ATF7IP: variants seen among roughly 807,000 people sequenced by gnomAD.
ATF7IP encodes activating transcription factor 7 interacting protein.
A neutral mutation model predicts 106.4 loss-of-function variants in ATF7IP; 23 were observed. The observed-to-expected ratio is 0.22, with a 90% confidence interval of 0.16 to 0.31. The LOEUF is 0.31. Among genes scored for constraint, ATF7IP ranks in the 10% least tolerant of loss-of-function variants. The pLI is 1.00. For missense variants in ATF7IP, 1,334 were observed against 1,524.3 expected (o/e 0.88, Z 2.08); for synonymous variants, 542 against 539.0 (o/e 1.01, Z -0.08).
chr12:14,440,145 A>G (rs1226518518), intron 5 of ATF7IP, among the ~76,000 whole-genome samples: 1 of 152,194 alleles, frequency 6.6e-6, no homozygotes, highest in Admixed American at 6.5e-5. Context: ...CAATCATTTC[A>G]TATACACAGT....
At chr12:14,389,685 T>TGGCGCGATCTCGGCTC (rs1442258533) in intron 1 of ATF7IP, among the ~76,000 whole-genome samples, 1 of 152,306 alleles carries the variant, frequency 6.6e-6, no homozygotes, top group East Asian at 1.9e-4. Context: ...TGGAGTGCAA[T>TGGCGCGATCTCGGCTC]GGCGCGATCT....
chr12:14,423,256 A>G (rs1437530165), intron 1 of ATF7IP, among the ~76,000 whole-genome samples: 2 of 152,034 alleles, frequency 1.3e-5, no homozygotes, highest in Non-Finnish European at 2.9e-5. Flanking sequence ...CAGTTCTTAG[A>G]TATTCTAGAT....
At chr12:14,383,006 C>A (rs1939058793) in intron 1 of ATF7IP, among the ~76,000 whole-genome samples, 1 of 152,134 alleles carries the variant, frequency 6.6e-6, no homozygotes, top group African/African-American at 2.4e-5. Flanking sequence ...TTGGCCTTGA[C>A]ACTATTTATC....
intron 2 of ATF7IP, among the ~76,000 whole-genome samples, chr12:14,426,065 C>T (rs1163333794): frequency 6.6e-6 from 1 of 152,152 alleles, no homozygotes; most frequent in African/African-American, 2.4e-5. Context: ...TCTGAATGAG[C>T]TCCCTGTAAC....
intron 13 of ATF7IP, among the ~76,000 whole-genome samples, chr12:14,494,317 ATATATATATATATATATG>A (rs1371808706): frequency 1.0e-5 from 1 of 99,946 alleles, no homozygotes; most frequent in African/African-American, 4.7e-5. Context: ...ATATATATAT[ATATATATATATATATATG>A]TGTGTGTGTA....
At chr12:14,472,690 A>G (rs971030779) in intron 10 of ATF7IP, among the ~76,000 whole-genome samples, 5 of 151,948 alleles carry the variant, frequency 3.3e-5, no homozygotes, top group African/African-American at 4.8e-5. Context: ...TTTCCTCTAC[A>G]TCTCTTCTTG....
At chr12:14,433,420 G>A (rs139598303) in intron 2 of ATF7IP, among the ~76,000 whole-genome samples, 1,906 of 152,176 alleles carry the variant, frequency 0.013, 17 homozygotes, top group Middle Eastern at 0.027. Flanking sequence ...CAGGAGAATT[G>A]CTTGAACCTG....
At chr12:14,423,759 A>G (rs2136549842) in intron 1 of ATF7IP, 150 bp from the exon 2 acceptor site, 1 of 785,784 alleles carries the variant, frequency 1.3e-6, no homozygotes, top group East Asian at 2.8e-5. Flanking sequence ...AAATATGATA[A>G]TTAGTATACA....
chr12:14,382,632 C>A (rs1376105045), intron 1 of ATF7IP, among the ~76,000 whole-genome samples: 1 of 152,088 alleles, frequency 6.6e-6, no homozygotes, highest in Non-Finnish European at 1.5e-5. Context: ...GAGTTGAGAT[C>A]CTAAAAATGA....
chr12:14,474,795 C>T (rs1472990434), intron 10 of ATF7IP, among the ~76,000 whole-genome samples: 1 of 152,004 alleles, frequency 6.6e-6, no homozygotes, highest in Non-Finnish European at 1.5e-5. Context: ...ATTTTTTCGT[C>T]CTAAGTTAGT....
At chr12:14,494,452 A>C (rs1051060547) in intron 13 of ATF7IP, among the ~76,000 whole-genome samples, 1 of 145,220 alleles carries the variant, frequency 6.9e-6, no homozygotes, top group African/African-American at 2.5e-5. Context: ...GTATTAAACT[A>C]ATAGGGTATA....
At chr12:14,435,498 A>C (rs1391166718) in intron 3 of ATF7IP, among the ~76,000 whole-genome samples, 1 of 152,214 alleles carries the variant, frequency 6.6e-6, no homozygotes, top group East Asian at 1.9e-4. Context: ...TGATCTCATG[A>C]ATATTAACAG....
intron 1 of ATF7IP, among the ~76,000 whole-genome samples, chr12:14,397,660 T>A (rs150793207): frequency 0.013 from 2,014 of 152,330 alleles, 20 homozygotes; most frequent in Non-Finnish European, 0.019. Flanking sequence ...CTCTTTTACA[T>A]GACAAATATG....
chr12:14,454,256 C>T (rs1186738618), intron 6 of ATF7IP, among the ~76,000 whole-genome samples: 3 of 152,234 alleles, frequency 2.0e-5, no homozygotes, highest in Non-Finnish European at 4.4e-5. Context: ...GAAGCTCCCT[C>T]TGGTACCTGT....
At chr12:14,488,573 C>T (rs1366879191) in intron 13 of ATF7IP, among the ~76,000 whole-genome samples, 1 of 152,154 alleles carries the variant, frequency 6.6e-6, no homozygotes, top group Non-Finnish European at 1.5e-5. Context: ...CTTTTGGCAA[C>T]ACCCTCACAG....
chr12:14,445,313 A>G (rs1309390438), intron 5 of ATF7IP, among the ~76,000 whole-genome samples: 2 of 151,846 alleles, frequency 1.3e-5, no homozygotes, highest in Non-Finnish European at 2.9e-5. Flanking sequence ...GACTAAAGAA[A>G]AAATGACATT....
At chr12:14,413,356 T>C (rs765159830) in intron 1 of ATF7IP, among the ~76,000 whole-genome samples, 19 of 152,244 alleles carry the variant, frequency 1.2e-4, no homozygotes, top group Non-Finnish European at 2.6e-4. Flanking sequence ...GCTGGTGAAA[T>C]TGGGGAGGGA....
intron 10 of ATF7IP, among the ~76,000 whole-genome samples, chr12:14,469,899 T>A (rs1188611594): frequency 6.6e-6 from 1 of 152,008 alleles, no homozygotes; most frequent in African/African-American, 2.4e-5. Context: ...GTGCCAAGAG[T>A]CTTCCCAGAG....
chr12:14,488,333 C>T (rs1442274421), intron 13 of ATF7IP, among the ~76,000 whole-genome samples: 8 of 152,048 alleles, frequency 5.3e-5, no homozygotes, highest in Non-Finnish European at 4.4e-5. Context: ...AGCTTAGGAG[C>T]AAGGAAAGCT....
Sources: gnomAD v4.1 joint callset for allele counts (sites outside exome capture counted in the v4.1 genomes callset) on GRCh38, gnomAD v4.1.1 for gene constraint, MANE v1.5 for transcripts, NCBI Gene and HGNC (gene_info 2026-07-23, HGNC 2026-07-21) for gene names.